Variants in KAZN observed in about 807,000 individuals in gnomAD.
KAZN encodes the protein kazrin, periplakin interacting protein, also known as kazrin.
KAZN carries 40 observed loss-of-function variants against 87.4 expected under a neutral mutation model. The observed-to-expected ratio is 0.46, with a 90% CI of 0.36 to 0.60. KAZN has a LOEUF of 0.60. Ranked by LOEUF, KAZN falls within the 20% of genes least tolerant of loss-of-function variation. KAZN has a pLI of 0.00. For missense variants in KAZN, 898 were observed against 1,073.9 expected, an observed-to-expected ratio of 0.84 and a Z score of 2.29; for synonymous variants, 466 against 458.3, an observed-to-expected ratio of 1.02 and a Z score of -0.22.
Position 14,292,234 on chromosome 1 carries a change from G to A in KAZN, c.249+111642G>A, listed in dbSNP as rs544465981. On this transcript the variant is annotated intron_variant, in intron 2 of 16. Coordinates refer to the KAZN transcript ENST00000636203. ...CAGAAGCAATGAAAGTAAGCAATAT[G>A]TGTGCTTCACCCTGCAGTTCACACA... 5.9e-5 allele frequency among the ~76,000 whole-genome samples: 9 copies of A among 152,362 alleles called. No homozygotes were observed. In the South Asian group the frequency reaches 1.4e-3, roughly 25 times the overall value.
intron 2 of KAZN, among the ~76,000 whole-genome samples, chr1:14,349,883 T>A (rs1658398369): frequency 6.6e-6 from 1 of 152,010 alleles, no homozygotes; most frequent in African/African-American, 2.4e-5. Flanking sequence ...ACGCCTGTAA[T>A]CCCAGCACTT....
intron 1 of KAZN, among the ~76,000 whole-genome samples, chr1:14,857,058 C>G (rs754112668): frequency 6.6e-6 from 1 of 152,148 alleles, no homozygotes; most frequent in Non-Finnish European, 1.5e-5. Context: ...GCCAACCACG[C>G]GTGAAGGTGG....
At chr1:14,414,337 G>A (rs1664564155) in intron 2 of KAZN, among the ~76,000 whole-genome samples, 2 of 126,880 alleles carry the variant, frequency 1.6e-5, no homozygotes, top group African/African-American at 5.8e-5. Context: ...AGCACTATTT[G>A]TCATAGGAAA....
At chr1:14,053,688 G>A (rs1557436486) in intron 1 of KAZN, among the ~76,000 whole-genome samples, 2 of 152,146 alleles carry the variant, frequency 1.3e-5, no homozygotes, top group Non-Finnish European at 2.9e-5. Flanking sequence ...AGTGAAAATT[G>A]TTTTATGCCT....
intron 2 of KAZN, among the ~76,000 whole-genome samples, chr1:14,466,952 G>A (rs1305632822): frequency 6.6e-6 from 1 of 152,160 alleles, no homozygotes; most frequent in Non-Finnish European, 1.5e-5. Context: ...CTGGGCGACA[G>A]TGCAAGACTC....
intron 1 of KAZN, among the ~76,000 whole-genome samples, chr1:14,850,476 G>A (rs1328406609): frequency 6.6e-6 from 1 of 152,148 alleles, no homozygotes; most frequent in African/African-American, 2.4e-5. Context: ...CCATTTTACA[G>A]ACGAGAAAAC....
chr1:14,725,623 T>G (rs1181103045), intron 1 of KAZN, among the ~76,000 whole-genome samples: 1 of 152,028 alleles, frequency 6.6e-6, no homozygotes, highest in Non-Finnish European at 1.5e-5. Flanking sequence ...AGGCTAAGAG[T>G]GCAGGAGGGT....
chr1:14,292,127 T>A lies in KAZN; in HGVS notation c.249+111535T>A, dbSNP rs60730842. On this transcript the variant is annotated intron_variant, in intron 2 of 16. Transcript: ENST00000636203. ...ACATTAAGTGATGACTTATAGTATG[T>A]TGTATGTATGCTCTGTGTATGTGTG... 3.8e-3 allele frequency among the ~76,000 whole-genome samples: 578 copies of A among 152,298 alleles called. 5 individuals carry two copies. The highest frequency in any genetic ancestry group is 0.013 in the African/African-American group (549 of 41,564).
intron 13 of KAZN, among the ~76,000 whole-genome samples, chr1:15,106,762 G>A (rs1641309682): frequency 1.3e-5 from 2 of 152,118 alleles, no homozygotes; most frequent in Non-Finnish European, 2.9e-5. Flanking sequence ...AAGGCGCCAA[G>A]GAGAAGTCTC....
intron 2 of KAZN, among the ~76,000 whole-genome samples, chr1:15,020,082 C>T (rs1176852466): frequency 1.3e-5 from 2 of 152,056 alleles, no homozygotes; most frequent in African/African-American, 4.8e-5. Context: ...GTGGGAACAA[C>T]GCCTACCTTG....
chr1:14,092,596 T>C lies in KAZN; in HGVS notation c.92-87839T>C, dbSNP rs371173002. 2.0e-3 allele frequency among the ~76,000 whole-genome samples: 259 copies of C among 131,448 alleles called. 7 individuals carry two copies. In the South Asian group the frequency reaches 0.048, roughly 24 times the overall value. The allele number at this position is 131,448 out of a possible 152,430, so 86.2% of individuals were successfully genotyped here. A position where few individuals can be genotyped will look rare whatever the true frequency, so the allele number is the denominator to read the frequency against. ...ATATGTATGTACATATATGTACATA[T>C]ACACACATATATACATATGTATGTA... On this transcript the variant is annotated intron_variant, in intron 1 of 16. Coordinates refer to the KAZN transcript ENST00000636203.
chr1:14,346,843 T>C (rs975137447), intron 2 of KAZN, among the ~76,000 whole-genome samples: 1 of 152,176 alleles, frequency 6.6e-6, no homozygotes, highest in East Asian at 1.9e-4. Context: ...CAAATATTTA[T>C]TGGGCATTAC....
chr1:14,119,721 G>A (rs1260624363), intron 1 of KAZN, among the ~76,000 whole-genome samples: 2 of 152,104 alleles, frequency 1.3e-5, no homozygotes, highest in Non-Finnish European at 2.9e-5. Flanking sequence ...TGACACTCAA[G>A]GAAAACATTC....
At chr1:14,931,719 AT>A (rs1659844542) in intron 1 of KAZN, among the ~76,000 whole-genome samples, 1 of 152,030 alleles carries the variant, frequency 6.6e-6, no homozygotes, top group African/African-American at 2.4e-5. Flanking sequence ...GATTGGGTTA[AT>A]TTTTTTAGAG....
intron 2 of KAZN, among the ~76,000 whole-genome samples, chr1:14,357,415 T>C (rs1216880406): frequency 6.6e-6 from 1 of 152,162 alleles, no homozygotes; most frequent in Non-Finnish European, 1.5e-5. Context: ...ACCCTTTATT[T>C]CTTTCTCTTA....
chr1:14,739,539 C>T (rs931123869), intron 1 of KAZN, among the ~76,000 whole-genome samples: 27 of 152,008 alleles, frequency 1.8e-4, no homozygotes, highest in Admixed American at 1.4e-3. Context: ...TCCCCTTGGC[C>T]GGGTGGGGAA....
chr1:14,444,017 C>G (rs1038399152), intron 2 of KAZN, among the ~76,000 whole-genome samples: 1 of 152,090 alleles, frequency 6.6e-6, no homozygotes, highest in African/African-American at 2.4e-5. Context: ...AGGAATCTGG[C>G]CACCTCAACT....
intron 2 of KAZN, among the ~76,000 whole-genome samples, chr1:14,578,738 G>T (rs1261533246): frequency 2.0e-5 from 3 of 152,164 alleles, no homozygotes; most frequent in Admixed American, 6.5e-5. Flanking sequence ...CTTAGAACTT[G>T]ACTGAGCACT....
At chr1:14,998,407 CG>C (rs60985456) in intron 2 of KAZN, among the ~76,000 whole-genome samples, 64,545 of 151,552 alleles carry the variant, frequency 0.43, 18,783 homozygotes, top group African/African-American at 0.83. Flanking sequence ...GTGTATGTGG[CG>C]GGGGGACTTT....
Sources: gnomAD v4.1 joint callset for allele counts (sites outside exome capture counted in the v4.1 genomes callset) on GRCh38, gnomAD v4.1.1 for gene constraint, MANE v1.5 for transcripts, NCBI Gene and HGNC (gene_info 2026-07-23, HGNC 2026-07-21) for gene names.